MORC1: variants seen among roughly 807,000 people sequenced by gnomAD.
The protein encoded by MORC1 is MORC family CW-type zinc finger 1, also known as MORC family CW-type zinc finger protein 1.
MORC1 carries 59 observed loss-of-function variants against 134.9 expected under a neutral mutation model. That is an observed-to-expected ratio of 0.44 (90% CI 0.35 to 0.54). The LOEUF is 0.54. MORC1 is among the 20% of genes least tolerant of loss of function. The probability of loss-of-function intolerance (pLI) is 0.00; values close to 1 mark genes in which losing one functional copy is unlikely to be tolerated. For missense variants in MORC1, 947 were observed against 1,134.5 expected (o/e 0.83, Z 2.37); for synonymous variants, 395 against 391.7 (o/e 1.01, Z -0.10).
chr3:109,094,162 G>A (rs1002289951), intron 7 of MORC1, among the ~76,000 whole-genome samples: 1 of 152,130 alleles, frequency 6.6e-6, no homozygotes, highest in African/African-American at 2.4e-5. Flanking sequence ...ACAAGAACAG[G>A]TATGGGGCCA....
At position 108,969,804 on chromosome 3, in the gene MORC1, T is replaced by C. The variant is rs1947325857; in HGVS notation, c.2551-82A>G. 8 of 1,367,874 alleles carry C rather than the reference T, an allele frequency of 5.8e-6. No homozygotes were observed. The South Asian group carries it at 7.1e-5, about 12-fold the overall frequency. 84.7% of individuals were successfully genotyped at this position (1,367,874 alleles called of 1,614,324 possible). A position where few individuals can be genotyped will look rare whatever the true frequency, so the allele number is the denominator to read the frequency against. On this transcript the variant is annotated intron_variant, in intron 25 of 27. Transcript: ENST00000232603. ...ACAGCAGAGTTATATCACACAAGCA[T>C]TGAGTATAAAAAGCATCAAAGCCTA...
chr3:108,990,898 TTCTCTC>T (rs34333221), intron 21 of MORC1, among the ~76,000 whole-genome samples: 1,840 of 145,742 alleles, frequency 0.013, 33 homozygotes, highest in African/African-American at 0.04. Flanking sequence ...GTTTCTCTCT[TTCTCTC>T]TCTCTCTCTC....
chr3:109,107,269 T>C (rs1951059742), intron 3 of MORC1, among the ~76,000 whole-genome samples: 1 of 152,170 alleles, frequency 6.6e-6, no homozygotes, highest in Non-Finnish European at 1.5e-5. Flanking sequence ...TGTACCTTTG[T>C]AGTATATTAA....
intron 2 of MORC1, among the ~76,000 whole-genome samples, chr3:109,111,526 A>G (rs1951169486): frequency 6.6e-6 from 1 of 152,198 alleles, no homozygotes; most frequent in South Asian, 2.1e-4. Flanking sequence ...AAATTCACAG[A>G]TATTATTTTT....
chr3:109,091,478 T>TAAATAAAA (rs1420819054), intron 8 of MORC1, among the ~76,000 whole-genome samples: 2 of 148,184 alleles, frequency 1.3e-5, no homozygotes, highest in Non-Finnish European at 1.5e-5. Flanking sequence ...AATAAATAAA[T>TAAATAAAA]AAAAAGTATG....
chr3:108,975,764 T>C (rs1020969353), intron 24 of MORC1, among the ~76,000 whole-genome samples: 1 of 152,132 alleles, frequency 6.6e-6, no homozygotes, highest in East Asian at 1.9e-4. Context: ...GTATTATTAC[T>C]AATATTATTG....
intron 24 of MORC1, among the ~76,000 whole-genome samples, chr3:108,977,655 G>A (rs1000197514): frequency 6.6e-6 from 1 of 152,152 alleles, no homozygotes; most frequent in Non-Finnish European, 1.5e-5. Context: ...AAAATTTACT[G>A]TATACTACTA....
intron 25 of MORC1, among the ~76,000 whole-genome samples, chr3:108,969,998 A>G (rs950676564): frequency 3.3e-5 from 5 of 152,212 alleles, no homozygotes; most frequent in African/African-American, 4.8e-5. Flanking sequence ...AAGGAAAATT[A>G]AGCGATAAAA....
intron 6 of MORC1, among the ~76,000 whole-genome samples, chr3:109,098,089 T>G (rs919122305): frequency 4.6e-5 from 7 of 152,252 alleles, no homozygotes; most frequent in Non-Finnish European, 7.4e-5. Context: ...TTTATTTTAT[T>G]TTTTTGAGAC....
Position 109,027,849 on chromosome 3 carries a change from T to C in MORC1, c.1606A>G (p.Thr536Ala). Residue 536 changes from threonine to alanine, a missense_variant, in exon 17 of 28, where the codon ACC becomes GCC. Thr to Ala is a moderately conservative substitution (Grantham distance 58). This residue lies in a region of MORC1 where 722 missense variants were observed against 817.0 expected (regional missense o/e 0.88). Transcript: ENST00000232603. ...VECLPSIPLG[T>A]MSTISPSKNE... Reference sequence around the variant, plus strand: ...TTTGATGGTGATATTGTGCTCATGGTGCCCAGTGGGATGGAAGGTAGACAT... The same window carrying C: ...TTTGATGGTGATATTGTGCTCATGGCGCCCAGTGGGATGGAAGGTAGACAT... The C allele has an allele frequency of 6.2e-7, 1 of 1,613,756 alleles. No individual in the cohort carries two copies. Among genetic ancestry groups the C allele is most frequent in the Non-Finnish European group, 8.5e-7 (1 of 1,179,810 alleles).
At chr3:108,992,003 A>T (rs1280423654) in intron 21 of MORC1, among the ~76,000 whole-genome samples, 4 of 152,054 alleles carry the variant, frequency 2.6e-5, no homozygotes, top group African/African-American at 9.7e-5. Flanking sequence ...TCTCCTTTTT[A>T]CAGTCCAAGC....
intron 12 of MORC1, among the ~76,000 whole-genome samples, chr3:109,058,088 G>A (rs183508758): frequency 6.6e-6 from 1 of 152,220 alleles, no homozygotes; most frequent in Non-Finnish European, 1.5e-5. Context: ...TAGAAATTGA[G>A]AAATACCAAA....
intron 8 of MORC1, among the ~76,000 whole-genome samples, chr3:109,092,219 G>C (rs1198083358): frequency 6.6e-6 from 1 of 152,042 alleles, no homozygotes; most frequent in African/African-American, 2.4e-5. Flanking sequence ...ACAGCCATTA[G>C]GCTGAATATT....
intron 24 of MORC1, among the ~76,000 whole-genome samples, chr3:108,972,208 A>C (rs537547494): frequency 6.6e-6 from 1 of 152,302 alleles, no homozygotes; most frequent in East Asian, 1.9e-4. Flanking sequence ...TTCTAGGATT[A>C]ATCACCTATA....
At position 108,984,718 on chromosome 3, in the gene MORC1, T is replaced by G; in HGVS notation, c.2322A>C (p.Lys774Asn). The G allele has an allele frequency of 6.2e-7, 1 of 1,603,520 alleles. No individual in the cohort carries two copies. Among genetic ancestry groups the G allele is most frequent in the Non-Finnish European group, 8.5e-7 (1 of 1,175,398 alleles). ...MKRSSSLPSW[K>N]SLLNVPMEDV... ...TTGTATAACTGTAGTACACTCACCT[T>G]TTCCAGCTAGGTAATGAAGAGCTTC... Residue 774 changes from lysine (K) to asparagine (N), a missense_variant and splice_region_variant, in exon 23 of 28, where the codon AAA (lysine) becomes AAC (asparagine). Lys to Asn is a moderately conservative substitution (Grantham distance 94). Coordinates refer to ENST00000232603, the MANE Select transcript of MORC1 (RefSeq NM_014429.4).
At chr3:109,022,839 C>T (rs2107584662) in intron 17 of MORC1, among the ~76,000 whole-genome samples, 1 of 152,198 alleles carries the variant, frequency 6.6e-6, no homozygotes, top group South Asian at 2.1e-4. Context: ...ATTGGGAATG[C>T]AAAGATGAAG....
Position 108,989,574 on chromosome 3 carries a change from T to A in MORC1, c.2188-2625A>T, listed in dbSNP as rs1213912099. Among the ~76,000 whole-genome samples, 3 of 152,268 alleles carry A rather than the reference T, an allele frequency of 2.0e-5. No individual in the cohort carries two copies. The East Asian group carries it at 5.8e-4, about 29-fold the overall frequency. On this transcript the variant is annotated intron_variant, in intron 21 of 27. Transcript: ENST00000232603. ...GGCAGCTGTGCAACACCTATTTAAT[T>A]TCATTGCTGTTAAGGAAACTTAAAA...
At chr3:109,000,392 T>C (rs1171493665) in intron 21 of MORC1, among the ~76,000 whole-genome samples, 165 bp downstream of exon 21, 1 of 152,218 alleles carries the variant, frequency 6.6e-6, no homozygotes, top group East Asian at 1.9e-4. Context: ...TACTAGTTTA[T>C]GTAGCCTTGA....
chr3:108,966,814 A>T (rs1340688131), intron 26 of MORC1, among the ~76,000 whole-genome samples: 3 of 152,150 alleles, frequency 2.0e-5, no homozygotes, highest in Non-Finnish European at 4.4e-5. Flanking sequence ...GCTCAGAGGT[A>T]GACCAGTGTA....
Sources: allele counts gnomAD v4.1 joint callset (sites outside exome capture counted in the v4.1 genomes callset), GRCh38; gene constraint gnomAD v4.1.1; regional missense constraint gnomAD v4.1.1; transcripts MANE v1.5; gene names NCBI Gene and HGNC (gene_info 2026-07-23, HGNC 2026-07-21).